The following SLC2A9 variants were observed in gnomAD, a reference collection of about 807,000 sequenced individuals.
The protein encoded by SLC2A9 is solute carrier family 2, facilitated glucose transporter member 9.
Under a neutral mutation model 50.6 loss-of-function variants are expected in SLC2A9, and 39 were observed. The observed-to-expected ratio is 0.77, with a 90% CI of 0.60 to 1.01. The LOEUF is 1.01. SLC2A9 is among the 50% of genes least tolerant of loss of function. SLC2A9 has a pLI of 0.00. For synonymous variants in SLC2A9, 324 were observed against 276.9 expected, an observed-to-expected ratio of 1.17 and a Z score of -1.69; for missense variants, 686 against 677.6, an observed-to-expected ratio of 1.01 and a Z score of -0.14.
At chr4:9,998,706 T>C (rs892363024) in intron 2 of SLC2A9, among the ~76,000 whole-genome samples, 1 of 152,182 alleles carries the variant, frequency 6.6e-6, no homozygotes, top group Non-Finnish European at 1.5e-5. Context: ...CAGATGTCCA[T>C]GGCAGCATTG....
chr4:9,809,611 T>A (rs1013640224), intron 3 of SLC2A9, among the ~76,000 whole-genome samples: 1 of 152,142 alleles, frequency 6.6e-6, no homozygotes, highest in African/African-American at 2.4e-5. Context: ...CACCATGACA[T>A]ACCTTCTCCC....
intron 11 of SLC2A9, among the ~76,000 whole-genome samples, chr4:9,828,794 A>C (rs1012084314): frequency 7.9e-5 from 12 of 152,206 alleles, no homozygotes; most frequent in Admixed American, 2.0e-4. Context: ...ACTATGCAGC[A>C]TTATAGTGTG....
At chr4:9,991,579 AT>A (rs1002208088) in intron 3 of SLC2A9, among the ~76,000 whole-genome samples, 4 of 152,164 alleles carry the variant, frequency 2.6e-5, no homozygotes, top group Non-Finnish European at 5.9e-5. Flanking sequence ...AGAGATTTGG[AT>A]TTTTTTAAGG....
At chr4:10,018,134 C>T (rs909188477) in intron 2 of SLC2A9, among the ~76,000 whole-genome samples, 1 of 152,196 alleles carries the variant, frequency 6.6e-6, no homozygotes, top group African/African-American at 2.4e-5. Context: ...AAACCAGAGG[C>T]ACAATGTGAA....
chr4:9,981,019 C>T (rs1043646165), intron 4 of SLC2A9, among the ~76,000 whole-genome samples: 1 of 151,390 alleles, frequency 6.6e-6, no homozygotes, highest in South Asian at 2.1e-4. Context: ...ATGGTGATAA[C>T]GGTGGTCGTG....
Position 9,908,228 on chromosome 4 carries a change from G to C in SLC2A9, c.1113+7C>G. The C allele has an allele frequency of 6.3e-7, 1 of 1,599,670 alleles. No individual in the cohort carries two copies. The highest frequency in any genetic ancestry group is 8.6e-7 in the Non-Finnish European group (1 of 1,166,778). ...GCATTCTCAGGAGTAACCCTCAGTT[G>C]ACTTACAGAGAAGACGGCAGCCAAA... On this transcript the variant is annotated splice_region_variant and intron_variant, in intron 8 of 11. Coordinates refer to ENST00000264784, the MANE Select transcript of SLC2A9 (RefSeq NM_020041.3).
intron 1 of SLC2A9, among the ~76,000 whole-genome samples, chr4:10,032,046 T>A (rs1250499663): frequency 6.6e-6 from 1 of 152,218 alleles, no homozygotes; most frequent in South Asian, 2.1e-4. Flanking sequence ...AGCACCTACC[T>A]TGTGTCAGGC....
chr4:9,772,807 C>T (rs958476529), intron 1 of SLC2A9, among the ~76,000 whole-genome samples: 5 of 133,776 alleles, frequency 3.7e-5, no homozygotes, highest in African/African-American at 1.4e-4. Flanking sequence ...TTAGGGATGC[C>T]ATTTTATTTT....
intron 1 of SLC2A9, among the ~76,000 whole-genome samples, chr4:10,039,318 G>A (rs950388491): frequency 1.3e-5 from 2 of 152,338 alleles, no homozygotes; most frequent in Non-Finnish European, 2.9e-5. Context: ...GCCAGTGCAT[G>A]GAGGAGGGAA....
intron 8 of SLC2A9, among the ~76,000 whole-genome samples, chr4:9,897,107 G>A (rs771844179): frequency 6.6e-6 from 1 of 152,188 alleles, no homozygotes; most frequent in Non-Finnish European, 1.5e-5. Flanking sequence ...GGCTAAGGTT[G>A]CACAGTGAGT....
chr4:9,841,514 G>A (rs374073835), intron 10 of SLC2A9, among the ~76,000 whole-genome samples: 4 of 152,144 alleles, frequency 2.6e-5, no homozygotes, highest in Non-Finnish European at 5.9e-5. Context: ...ATGGAAGACC[G>A]ATCTTTGACA....
intron 8 of SLC2A9, among the ~76,000 whole-genome samples, chr4:9,892,723 A>T (rs1737745168): frequency 1.3e-5 from 2 of 152,336 alleles, no homozygotes; most frequent in South Asian, 4.1e-4. Flanking sequence ...CAGGAAATAT[A>T]TTATTCATTT....
chr4:9,822,027 C>A (rs1724473068), downstream of SLC2A9, among the ~76,000 whole-genome samples: 1 of 152,210 alleles, frequency 6.6e-6, no homozygotes, highest in African/African-American at 2.4e-5. Context: ...TTATTAACAG[C>A]ATTTCCTTAT....
chr4:9,886,920 T>G (rs1242522696), intron 10 of SLC2A9, among the ~76,000 whole-genome samples: 1 of 152,056 alleles, frequency 6.6e-6, no homozygotes, highest in African/African-American at 2.4e-5. Flanking sequence ...AGAGAAGAAG[T>G]CTCTCCTACT....
chr4:10,034,021 C>T (rs1171365660), intron 1 of SLC2A9, among the ~76,000 whole-genome samples: 1 of 152,220 alleles, frequency 6.6e-6, no homozygotes, highest in African/African-American at 2.4e-5. Context: ...CTCCCCTCAG[C>T]AGCACCCCCA....
chr4:10,038,496 G>A lies in SLC2A9; in HGVS notation c.-41+1634C>T, dbSNP rs540390287. Among the ~76,000 whole-genome samples, 156 of 99,702 alleles carry A rather than the reference G, an allele frequency of 1.6e-3. 1 individual carries two copies. Among genetic ancestry groups the A allele is most frequent in the African/African-American group, 5.8e-3 (148 of 25,426 alleles). 65.4% of individuals were successfully genotyped at this position (99,702 alleles called of 152,430 possible). A position where few individuals can be genotyped will look rare whatever the true frequency, so the allele number is the denominator to read the frequency against. On this transcript the variant is annotated intron_variant, in intron 1 of 12. Coordinates refer to the SLC2A9 transcript ENST00000309065. ...CACTCCAGCCTGGGTGACAGAGTAA[G>A]ACTCTGTCTCAAAAAAAAAAAAAAA... is the stretch of plus-strand genomic sequence containing the variant.
chr4:9,982,210 G>A lies in SLC2A9; in HGVS notation c.536-1473C>T, dbSNP rs115464061. On this transcript the variant is annotated intron_variant, in intron 4 of 11. Transcript: ENST00000264784. Reference sequence around the variant, plus strand: ...TTAAATTCTTTATTACAAACAGATCGGCCAGTTCAGGTAATAGCAGCAATA... The same window carrying A: ...TTAAATTCTTTATTACAAACAGATCAGCCAGTTCAGGTAATAGCAGCAATA... 1.0e-3 allele frequency among the ~76,000 whole-genome samples: 154 copies of A among 152,224 alleles called. 1 individual carries two copies. The highest frequency in any genetic ancestry group is 2.7e-3 in the Admixed American group (42 of 15,302).
chr4:9,872,542 G>C (rs928729881), intron 10 of SLC2A9, among the ~76,000 whole-genome samples: 2 of 152,158 alleles, frequency 1.3e-5, no homozygotes, highest in African/African-American at 4.8e-5. Context: ...TTGCTATATC[G>C]CTTGCTATCC....
intron 1 of SLC2A9, among the ~76,000 whole-genome samples, chr4:10,027,331 T>C (rs34709913): frequency 0.44 from 66,753 of 152,012 alleles, 16,275 homozygotes; most frequent in South Asian, 0.59. Context: ...TTTTTCCCTA[T>C]GTGATTTTAC....
Sources: gnomAD v4.1 joint callset for allele counts (sites outside exome capture counted in the v4.1 genomes callset) on GRCh38, gnomAD v4.1.1 for gene constraint, MANE v1.5 for transcripts, NCBI Gene and HGNC (gene_info 2026-07-23, HGNC 2026-07-21) for gene names.